SPINK5: variants seen among roughly 807,000 people sequenced by gnomAD.
The protein encoded by SPINK5 is serine protease inhibitor Kazal-type 5.
A neutral mutation model predicts 151.8 loss-of-function variants in SPINK5; 125 were observed. That is an observed-to-expected ratio of 0.82 (90% CI 0.71 to 0.96). The LOEUF (loss-of-function observed/expected upper bound fraction) is 0.96, where lower values mean the gene tolerates loss of function less well. Ranked by LOEUF, SPINK5 falls within the 40% of genes least tolerant of loss-of-function variation. The pLI, the probability that SPINK5 is intolerant of heterozygous loss-of-function variation, is 0.00. For missense variants in SPINK5, 1,194 were observed against 1,291.9 expected (o/e 0.92, Z 1.16); for synonymous variants, 374 against 395.3 (o/e 0.95, Z 0.64).
chr5:148,108,802 G>T lies in SPINK5; in HGVS notation c.1657G>T (p.Val553Phe). The T allele has an allele frequency of 1.2e-6, 2 of 1,612,510 alleles. No individual in the cohort carries two copies. The highest frequency in any genetic ancestry group is 2.2e-5 in the South Asian group (2 of 91,044). The change falls in exon 18 of 33, where the codon GTC (valine) becomes TTC (phenylalanine). Residue 553 changes from valine (V) to phenylalanine (F), a missense_variant. Transcript: ENST00000256084. ...AAATGATAAAGAAGAAAAAGGGAAA[G>T]TCGAGGCTGAAAAAGTTAAGAGAGA... ...KKNDKEEKGK[V>F]EAEKVKREAV...
rs766316221 is a variant in SPINK5 at position 148,124,838 on chromosome 5, G to C, written c.2739+1G>C. 6.3e-7 allele frequency: 1 copy of C among 1,594,538 alleles called. No individual in the cohort carries two copies. The highest frequency in any genetic ancestry group is 1.2e-5 in the South Asian group (1 of 86,238). On this transcript the variant is annotated splice_donor_variant, in intron 28 of 32. Coordinates refer to ENST00000256084, the MANE Select transcript of SPINK5 (RefSeq NM_006846.4). LOFTEE classifies it high-confidence loss of function. ...TAGCAAGCCCTCAAATAATGCAAAGGTTATTTATTAAAGGATACCAAAATA... is the reference window on the plus strand; with the variant it reads ...TAGCAAGCCCTCAAATAATGCAAAGCTTATTTATTAAAGGATACCAAAATA...
intron 32 of SPINK5, among the ~76,000 whole-genome samples, chr5:148,136,173 A>G (rs114296502): frequency 0.01 from 1,569 of 152,306 alleles, 34 homozygotes; most frequent in African/African-American, 0.036. Context: ...AGAAGGCATT[A>G]TCTCAATTAA....
At chr5:148,095,596 T>C (rs1241300720) in intron 9 of SPINK5, among the ~76,000 whole-genome samples, 2 of 152,020 alleles carry the variant, frequency 1.3e-5, no homozygotes, top group Non-Finnish European at 2.9e-5. Flanking sequence ...GCTGCAGAGT[T>C]TTAAATTTCT....
In SPINK5 at chr5:148,097,937, T is replaced by C. The variant is rs368748670; in HGVS notation, c.953T>C (p.Ile318Thr). 1.7e-5 allele frequency: 28 copies of C among 1,612,416 alleles called. No homozygotes were observed. The highest frequency in any genetic ancestry group is 5.0e-5 in the Admixed American group (3 of 59,880). The change falls in exon 11 of 33, where the codon ATT (isoleucine) becomes ACT (threonine). Residue 318 changes from isoleucine to threonine, a missense_variant. By Grantham distance (89) the Ile-to-Thr change is moderately conservative. Transcript: ENST00000256084. Reference protein sequence around the residue: ...ILFCTRENDPIRGPDGKMHGN... With the variant: ...ILFCTRENDPTRGPDGKMHGN... The stretch of plus-strand genomic sequence containing the variant: ...TTCTGTACCAGAGAAAATGACCCTA[T>C]TCGTGGTCCAGATGGGAAAATGCAT...
intron 6 of SPINK5, chr5:148,089,169 A>G (rs1179861382): frequency 2.1e-6 from 1 of 474,740 alleles, no homozygotes; most frequent in Admixed American, 2.3e-5. Flanking sequence ...GACTTGCACC[A>G]AGTCATTTAG....
chr5:148,118,842 A>G, intron 23 of SPINK5, 144 bp from the exon 24 acceptor site: 1 of 910,868 alleles, frequency 1.1e-6, no homozygotes, highest in South Asian at 1.5e-5. Flanking sequence ...GAATCCTAGG[A>G]AGACTTTGTC....
intron 5 of SPINK5, among the ~76,000 whole-genome samples, chr5:148,088,168 A>G (rs1753210111): frequency 6.6e-6 from 1 of 151,834 alleles, no homozygotes; most frequent in South Asian, 2.1e-4. Context: ...GGGATGTTAG[A>G]TAATACAAAT....
chr5:148,130,482 T>G (rs1337412973), intron 30 of SPINK5, among the ~76,000 whole-genome samples: 1 of 152,078 alleles, frequency 6.6e-6, no homozygotes, highest in Non-Finnish European at 1.5e-5. Flanking sequence ...TTTGAATACT[T>G]TTTTTATATT....
intron 30 of SPINK5, among the ~76,000 whole-genome samples, chr5:148,128,455 C>A (rs962626405): frequency 1.3e-5 from 2 of 152,222 alleles, no homozygotes. Context: ...ATCAAGCCGG[C>A]AGTCCTTTTG....
At chr5:148,105,277 G>GT (rs1753751560) in intron 16 of SPINK5, among the ~76,000 whole-genome samples, 1 of 152,094 alleles carries the variant, frequency 6.6e-6, no homozygotes, top group African/African-American at 2.4e-5. Flanking sequence ...TTAGATTTCT[G>GT]TTGTTAGAGT....
At chr5:148,118,320 T>C in intron 22 of SPINK5, 117 bp from the exon 23 acceptor site, 1 of 1,444,544 alleles carries the variant, frequency 6.9e-7, no homozygotes, top group East Asian at 2.6e-5. Flanking sequence ...CCCGGCAATG[T>C]TATGTTTCTT....
At chr5:148,119,219 G>A (rs927253090) in intron 24 of SPINK5, among the ~76,000 whole-genome samples, 161 bp downstream of exon 24, 3 of 152,136 alleles carry the variant, frequency 2.0e-5, no homozygotes, top group African/African-American at 7.2e-5. Flanking sequence ...AACTTGTTCA[G>A]TGAAGAAACC....
At chr5:148,136,454 T>C (rs924633072) in intron 32 of SPINK5, among the ~76,000 whole-genome samples, 4 of 152,126 alleles carry the variant, frequency 2.6e-5, no homozygotes, top group African/African-American at 9.7e-5. Context: ...AAAGAAAACT[T>C]CCTGAGGCCC....
At chr5:148,089,287 T>C (rs762062734) in intron 6 of SPINK5, 2 of 666,116 alleles carry the variant, frequency 3.0e-6, no homozygotes, top group Non-Finnish European at 5.4e-6. Context: ...GTTATCTGTT[T>C]ACTAAATAAA....
At chr5:148,121,069 T>C (rs6868182) in intron 26 of SPINK5, among the ~76,000 whole-genome samples, 79,433 of 141,610 alleles carry the variant, frequency 0.56, 22,628 homozygotes, top group Admixed American at 0.67. Flanking sequence ...GGCGTGAACC[T>C]GGGAGGCGAG....
At position 148,111,830 on chromosome 5, in the gene SPINK5, T is replaced by C; in HGVS notation, c.1755T>C (p.Asn585=). The change falls in exon 19 of 33, where the codon AAT becomes AAC. Residue 585 remains asparagine (N), a synonymous_variant. Transcript: ENST00000256084. ...GACGACTCCCCTGTACCAGAGAGAA[T>C]GATCCTATTGAGGGTCTAGATGGGA... ...RNGRLPCTRE[N]DPIEGLDGKI... is the part of the protein sequence containing the mutation. 5 of 1,614,080 alleles carry C rather than the reference T, an allele frequency of 3.1e-6. No individual in the cohort carries two copies. The South Asian group carries it at 5.5e-5, about 18-fold the overall frequency.
chr5:148,097,296 G>C (rs1373851685), intron 10 of SPINK5, among the ~76,000 whole-genome samples: 1 of 151,888 alleles, frequency 6.6e-6, no homozygotes, highest in Non-Finnish European at 1.5e-5. Flanking sequence ...TCAAAGTTTA[G>C]TGGTCTTTGA....
At chr5:148,095,676 G>C (rs1753435669) in intron 9 of SPINK5, 142 bp from the exon 10 acceptor site, 3 of 685,952 alleles carry the variant, frequency 4.4e-6, no homozygotes, top group African/African-American at 1.8e-5. Context: ...AAATTAAAGG[G>C]TCTTTTTGGG....
chr5:148,100,878 G>T (rs1308199276), intron 13 of SPINK5, among the ~76,000 whole-genome samples: 2 of 152,142 alleles, frequency 1.3e-5, no homozygotes, highest in African/African-American at 4.8e-5. Context: ...GAGGCCAGTG[G>T]GCCAAAGAAT....
Sources: allele counts gnomAD v4.1 joint callset (sites outside exome capture counted in the v4.1 genomes callset), GRCh38; gene constraint gnomAD v4.1.1; transcripts MANE v1.5; gene names NCBI Gene and HGNC (gene_info 2026-07-23, HGNC 2026-07-21).